NREP: variants seen among roughly 807,000 people sequenced by gnomAD.
The protein encoded by NREP is neuronal regeneration related protein.
A neutral mutation model predicts 8.6 loss-of-function variants in NREP; 5 were observed. The observed-to-expected ratio is 0.58, with a 90% CI of 0.30 to 1.22. The LOEUF is 1.22. Ranked by LOEUF, NREP falls within the 50% of genes most tolerant of loss-of-function variation. The pLI is 0.07. For synonymous variants in NREP, 27 were observed against 28.0 expected, an observed-to-expected ratio of 0.96 and a Z score of 0.11; for missense variants, 86 against 82.5, an observed-to-expected ratio of 1.04 and a Z score of -0.17.
intron 2 of NREP, among the ~76,000 whole-genome samples, chr5:111,824,505 T>A (rs555466564): frequency 6.6e-6 from 1 of 152,326 alleles, no homozygotes; most frequent in East Asian, 1.9e-4. Flanking sequence ...AACAGAAGCA[T>A]TGGGATGGAA....
intron 2 of NREP, among the ~76,000 whole-genome samples, chr5:111,908,185 C>G (rs1474455412): frequency 6.6e-6 from 1 of 151,716 alleles, no homozygotes; most frequent in Non-Finnish European, 1.5e-5. Flanking sequence ...TTAATAGTTT[C>G]TTTATAATGC....
At chr5:111,846,907 A>G (rs1459726812) in intron 2 of NREP, among the ~76,000 whole-genome samples, 3 of 152,110 alleles carry the variant, frequency 2.0e-5, no homozygotes, top group East Asian at 1.9e-4. Flanking sequence ...ATTCATGTCC[A>G]TTTTTCATTC....
At chr5:111,965,853 G>C (rs1011915744) in intron 2 of NREP, among the ~76,000 whole-genome samples, 9 of 152,104 alleles carry the variant, frequency 5.9e-5, no homozygotes, top group African/African-American at 2.2e-4. Flanking sequence ...AATATTACAA[G>C]TGCTTGATAT....
chr5:111,804,874 G>T (rs1195733730), intron 2 of NREP, among the ~76,000 whole-genome samples: 1 of 152,058 alleles, frequency 6.6e-6, no homozygotes, highest in East Asian at 1.9e-4. Context: ...GGTGGCGGGC[G>T]CCTGCAGGCC....
chr5:111,748,266 T>G (rs1167286760), intron 2 of NREP, among the ~76,000 whole-genome samples: 3 of 152,190 alleles, frequency 2.0e-5, no homozygotes, highest in Non-Finnish European at 4.4e-5. Flanking sequence ...CCCAAACATT[T>G]GAGCCTTCTA....
At chr5:111,839,443 T>G (rs1752971957) in intron 2 of NREP, among the ~76,000 whole-genome samples, 1 of 152,108 alleles carries the variant, frequency 6.6e-6, no homozygotes, top group Non-Finnish European at 1.5e-5. Context: ...AAATCAGCTA[T>G]TAAATGGATA....
chr5:111,749,407 T>G (rs1750212443), intron 2 of NREP, among the ~76,000 whole-genome samples: 1 of 151,930 alleles, frequency 6.6e-6, no homozygotes, highest in African/African-American at 2.4e-5. Context: ...TAACATTCTG[T>G]GCTATTTATA....
rs576072237 is a variant in NREP at position 111,955,469 on chromosome 5, GAAAAAAA to G, written c.135+19798_135+19804del. Among the ~76,000 whole-genome samples the G allele has an allele frequency of 7.8e-4, 73 of 93,578 alleles. 1 individual carries two copies. In the South Asian group the frequency reaches 0.017, roughly 22 times the overall value. The allele number at this position is 93,578 out of a possible 152,430, so 61.4% of individuals were successfully genotyped here. ...ATAAACTACACAGGGGGCCAATACA[GAAAAAAA>G]AAAAACAAAAAACAAAAAACAAAAA... On this transcript the variant is annotated intron_variant, in intron 2 of 3. Transcript: ENST00000395634.
At chr5:111,781,501 C>T (rs1187125132) in intron 2 of NREP, among the ~76,000 whole-genome samples, 1 of 152,190 alleles carries the variant, frequency 6.6e-6, no homozygotes, top group African/African-American at 2.4e-5. Context: ...AGAGCCCATA[C>T]ATCAGGCAGC....
intron 2 of NREP, among the ~76,000 whole-genome samples, chr5:111,966,500 A>G (rs1285774557): frequency 6.6e-6 from 1 of 152,190 alleles, no homozygotes; most frequent in Non-Finnish European, 1.5e-5. Flanking sequence ...AGAGCTAATA[A>G]GATCTCTTGC....
At chr5:111,973,659 T>A (rs191950999) in intron 2 of NREP, among the ~76,000 whole-genome samples, 1 of 152,328 alleles carries the variant, frequency 6.6e-6, no homozygotes, top group East Asian at 1.9e-4. Context: ...AGAATAATCA[T>A]CATTCCAGCT....
chr5:111,976,743 A>G, exon 1 of NREP: 1 of 1,550,940 alleles, frequency 6.4e-7, no homozygotes. Context: ...CTTTCATTCC[A>G]GTCCTGTTAC....
intron 2 of NREP, among the ~76,000 whole-genome samples, chr5:111,879,516 C>T (rs1753994668): frequency 6.6e-6 from 1 of 152,168 alleles, no homozygotes; most frequent in East Asian, 1.9e-4. Context: ...TGTATACTTA[C>T]TGTCTGTCCT....
intron 2 of NREP, among the ~76,000 whole-genome samples, chr5:111,879,639 C>G (rs6594554): frequency 0.56 from 84,931 of 151,976 alleles, 24,968 homozygotes; most frequent in Non-Finnish European, 0.66. Context: ...GCTTACATTA[C>G]TCTGCTCAGG....
intron 2 of NREP, among the ~76,000 whole-genome samples, chr5:111,942,955 C>T (rs1755871786): frequency 6.6e-6 from 1 of 151,812 alleles, no homozygotes; most frequent in African/African-American, 2.4e-5. Context: ...GCACTAAGAA[C>T]AGCATCTGGC....
chr5:111,867,081 C>CACATGTATACAT (rs1248018574), intron 2 of NREP, among the ~76,000 whole-genome samples: 1 of 151,386 alleles, frequency 6.6e-6, no homozygotes, highest in Non-Finnish European at 1.5e-5. Flanking sequence ...ACCAACATGG[C>CACATGTATACAT]ACATGTATAC....
intron 2 of NREP, among the ~76,000 whole-genome samples, chr5:111,806,024 T>G (rs1317117173): frequency 6.6e-6 from 1 of 152,200 alleles, no homozygotes; most frequent in Admixed American, 6.5e-5. Context: ...AAAAATATAA[T>G]TTTTATTTGT....
At position 111,775,339 on chromosome 5, in the gene NREP, T is replaced by C. The variant is rs550120251; in HGVS notation, c.136-39832A>G. On this transcript the variant is annotated intron_variant, in intron 2 of 3. Coordinates refer to the NREP transcript ENST00000395634. ...TAGGGAGCAGTGTGAAGTGAGTGCCTGGCAATCTCCCTGTGACTTGTGGGC... is the reference window on the plus strand; with the variant it reads ...TAGGGAGCAGTGTGAAGTGAGTGCCCGGCAATCTCCCTGTGACTTGTGGGC... Among the ~76,000 whole-genome samples, 7 of 152,306 alleles carry C rather than the reference T, an allele frequency of 4.6e-5. No individual in the cohort carries two copies. The South Asian group carries it at 1.2e-3, about 27-fold the overall frequency.
At chr5:111,835,231 G>T (rs574674969) in intron 2 of NREP, among the ~76,000 whole-genome samples, 1 of 152,194 alleles carries the variant, frequency 6.6e-6, no homozygotes, top group African/African-American at 2.4e-5. Context: ...ACTATCATAG[G>T]ATTTTTTTTC....
Sources: allele counts gnomAD v4.1 joint callset (sites outside exome capture counted in the v4.1 genomes callset), GRCh38; gene constraint gnomAD v4.1.1; transcripts MANE v1.5; gene names NCBI Gene and HGNC (gene_info 2026-07-23, HGNC 2026-07-21).